SLC36A1: variants seen among roughly 807,000 people sequenced by gnomAD.
SLC36A1 encodes the protein proton-coupled amino acid transporter 1.
In SLC36A1, 30 loss-of-function variants were observed where a neutral mutation model predicts 47.5. The observed-to-expected ratio is 0.63, with a 90% CI of 0.47 to 0.86. SLC36A1 has a LOEUF of 0.86. Ranked by LOEUF, SLC36A1 falls within the 40% of genes least tolerant of loss-of-function variation. The pLI, the probability that SLC36A1 is intolerant of heterozygous loss-of-function variation, is 0.00. For synonymous variants in SLC36A1, 255 were observed against 249.7 expected, an observed-to-expected ratio of 1.02 and a Z score of -0.20; for missense variants, 517 against 606.0, an observed-to-expected ratio of 0.85 and a Z score of 1.54.
the SLC36A1 span, among the ~76,000 whole-genome samples, chr5:151,351,736 A>T: frequency 1.3e-5 from 2 of 152,144 alleles, no homozygotes; most frequent in Non-Finnish European, 2.9e-5. Context: ...GCAATCCTTC[A>T]TCCTCACCAC....
chr5:151,453,764 T>C (rs917431957), intron 1 of SLC36A1, among the ~76,000 whole-genome samples: 2 of 151,988 alleles, frequency 1.3e-5, no homozygotes, highest in African/African-American at 2.4e-5. Context: ...TTAGAAAAAT[T>C]TCTGGCCTTG....
At chr5:151,521,456 AAT>A in the SLC36A1 span, 1 of 1,614,178 alleles carries the variant, frequency 6.2e-7, no homozygotes, top group Non-Finnish European at 8.5e-7. Flanking sequence ...ACCCCCACTG[AAT>A]GCTCCATCTC....
chr5:151,517,058 A>T, the SLC36A1 span, among the ~76,000 whole-genome samples: 1 of 152,018 alleles, frequency 6.6e-6, no homozygotes, highest in East Asian at 1.9e-4. Context: ...CAGTGATCTG[A>T]AATCACACCA....
chr5:151,495,411 C>T (rs1219334407), downstream of SLC36A1, among the ~76,000 whole-genome samples: 1 of 152,160 alleles, frequency 6.6e-6, no homozygotes, highest in Non-Finnish European at 1.5e-5. Context: ...GAGCACTCTT[C>T]AGCTGGGCTT....
chr5:151,417,733 A>G, the SLC36A1 span, among the ~76,000 whole-genome samples: 1 of 152,258 alleles, frequency 6.6e-6, no homozygotes. Context: ...TTGCAACATG[A>G]CAATGCAATA....
the SLC36A1 span, among the ~76,000 whole-genome samples, chr5:151,395,044 T>G: frequency 6.6e-6 from 1 of 152,200 alleles, no homozygotes; most frequent in Non-Finnish European, 1.5e-5. Context: ...TGAGCTGCGG[T>G]GGGCTCCACA....
the SLC36A1 span, among the ~76,000 whole-genome samples, chr5:151,392,560 C>T: frequency 3.5e-4 from 54 of 152,208 alleles, no homozygotes; most frequent in African/African-American, 1.3e-3. Context: ...TTTCCCTCTA[C>T]ACTCTGCCTT....
At chr5:151,391,665 G>A in the SLC36A1 span, among the ~76,000 whole-genome samples, 11 of 152,220 alleles carry the variant, frequency 7.2e-5, no homozygotes, top group East Asian at 2.1e-3. Flanking sequence ...ATAATCATGT[G>A]GTTTTTGTCT....
intron 6 of SLC36A1, 93 bp from the exon 7 acceptor site, chr5:151,467,614 T>G: frequency 9.3e-7 from 1 of 1,079,528 alleles, no homozygotes; most frequent in Non-Finnish European, 1.4e-6. Flanking sequence ...TTCACACACC[T>G]GAGCCTTTCC....
chr5:151,390,665 T>C, the SLC36A1 span, among the ~76,000 whole-genome samples: 1 of 152,230 alleles, frequency 6.6e-6, no homozygotes, highest in Non-Finnish European at 1.5e-5. Context: ...AAACAGGGAA[T>C]CCTTTCCCCA....
chr5:151,553,058 G>A, the SLC36A1 span: 6 of 964,022 alleles, frequency 6.2e-6, no homozygotes, highest in Non-Finnish European at 9.6e-6. Flanking sequence ...CGGGCTGAAA[G>A]AGGGGCTGCC....
At chr5:151,452,899 AAAC>A (rs1177151687) in intron 1 of SLC36A1, among the ~76,000 whole-genome samples, 1 of 148,472 alleles carries the variant, frequency 6.7e-6, no homozygotes, top group Non-Finnish European at 1.5e-5. Context: ...AAAAAGACAA[AAAC>A]AACAACAAAA....
the SLC36A1 span, among the ~76,000 whole-genome samples, chr5:151,503,431 A>T: frequency 1.4e-5 from 2 of 142,652 alleles, no homozygotes; most frequent in African/African-American, 3.1e-5. Context: ...GCTCAAGGCC[A>T]CATAATTAGT....
the SLC36A1 span, among the ~76,000 whole-genome samples, chr5:151,407,166 G>A: frequency 1.3e-5 from 2 of 152,204 alleles, no homozygotes; most frequent in South Asian, 2.1e-4. Context: ...AAGATTTATT[G>A]TGAAGAGCAA....
chr5:151,421,767 T>C, the SLC36A1 span, among the ~76,000 whole-genome samples: 1 of 151,676 alleles, frequency 6.6e-6, no homozygotes, highest in African/African-American at 2.4e-5. Flanking sequence ...ATTTTTTGTA[T>C]TTTTAGTAGA....
rs775497893 is a variant in SLC36A1, at chr5:151,476,555, T to C, written c.823-35T>C. On this transcript the variant is annotated intron_variant, in intron 8 of 10. Transcript: ENST00000243389. ...CTTGGCCATTAACTTTTCTTTTTTC[T>C]GCACTTTCTCTCCTCTCTCACTACT... The C allele has an allele frequency of 3.5e-6, 5 of 1,437,240 alleles. No individual in the cohort carries two copies. The South Asian group carries it at 8.8e-5, about 25-fold the overall frequency. The allele number at this position is 1,437,240 out of a possible 1,614,324, so 89.0% of individuals were successfully genotyped here.
At chr5:151,468,296 TTA>T (rs1329672254) in intron 7 of SLC36A1, among the ~76,000 whole-genome samples, 5 of 67,700 alleles carry the variant, frequency 7.4e-5, no homozygotes, top group African/African-American at 1.6e-4. Context: ...TATATATATT[TTA>T]TATATATATA....
At chr5:151,439,044 G>C (rs532563913) in intron 1 of SLC36A1, among the ~76,000 whole-genome samples, 38 of 152,136 alleles carry the variant, frequency 2.5e-4, no homozygotes, top group African/African-American at 8.9e-4. Context: ...GTTCTACATG[G>C]CTGGGAGGCC....
rs776318482 is a variant in SLC36A1 at position 151,474,178 on chromosome 5, A to AAAAAAAAAAAGAGAG, written c.822+408_822+409insAAAAAAAAAGAGAGA. ...CTGTCTCAAAAAAAAAAAAAAAAAA[A>AAAAAAAAAAAGAGAG]AGAAATTATCTTCTGTAACTCACTG... On this transcript the variant is annotated intron_variant, in intron 8 of 10. Transcript: ENST00000243389. 1.5e-3 allele frequency among the ~76,000 whole-genome samples: 175 copies of AAAAAAAAAAAGAGAG among 118,998 alleles called. 3 individuals are homozygous for AAAAAAAAAAAGAGAG. Among genetic ancestry groups the AAAAAAAAAAAGAGAG allele is most frequent in the African/African-American group, 4.2e-3 (93 of 22,296 alleles). The allele number at this position is 118,998 out of a possible 152,430, so 78.1% of individuals were successfully genotyped here.
Sources: allele counts gnomAD v4.1 joint callset (sites outside exome capture counted in the v4.1 genomes callset), GRCh38; gene constraint gnomAD v4.1.1; transcripts MANE v1.5; gene names NCBI Gene and HGNC (gene_info 2026-07-23, HGNC 2026-07-21).